Variants in SGIP1 observed in about 807,000 individuals in gnomAD.
The protein encoded by SGIP1 is SH3-containing GRB2-like protein 3-interacting protein 1.
Under a neutral mutation model 107.5 loss-of-function variants are expected in SGIP1, and 38 were observed. That is an observed-to-expected ratio of 0.35 (90% CI 0.27 to 0.46). SGIP1 has a LOEUF of 0.46. SGIP1 is among the 20% of genes least tolerant of loss of function. SGIP1 has a pLI of 1.00. For synonymous variants in SGIP1, 365 were observed against 366.1 expected (o/e 1.00, Z 0.03); for missense variants, 929 against 1,019.5 (o/e 0.91, Z 1.21).
intron 1 of SGIP1, among the ~76,000 whole-genome samples, chr1:66,553,763 T>C (rs2057778007): frequency 6.6e-6 from 1 of 152,076 alleles, no homozygotes; most frequent in Non-Finnish European, 1.5e-5. Flanking sequence ...CATCACCTCC[T>C]AGTGCTGCTC....
rs948109225 is a variant in SGIP1, at chr1:66,745,719, C to T, written c.*2624C>T. 5.3e-5 allele frequency: 8 copies of T among 152,098 alleles called. No homozygotes were observed. The highest frequency in any genetic ancestry group is 9.6e-5 in the African/African-American group (4 of 41,524). 9.4% of individuals were successfully genotyped at this position (152,098 alleles called of 1,614,324 possible). On this transcript the variant is annotated 3_prime_UTR_variant, in exon 25 of 25. Coordinates refer to ENST00000371037, the MANE Select transcript of SGIP1 (RefSeq NM_032291.4). The stretch of plus-strand genomic sequence containing the variant: ...GTTAACCAGAACACCATTTCCTGAA[C>T]GTTATGATCTTTAAAAGGTTCTGCT...
chr1:66,577,575 A>G (rs531105753), intron 1 of SGIP1, among the ~76,000 whole-genome samples: 1 of 152,232 alleles, frequency 6.6e-6, no homozygotes, highest in African/African-American at 2.4e-5. Context: ...GATGGGTGTT[A>G]CCTTCATTTA....
chr1:66,677,810 A>G (rs2085734456), intron 13 of SGIP1, among the ~76,000 whole-genome samples: 2 of 152,110 alleles, frequency 1.3e-5, no homozygotes, highest in Non-Finnish European at 2.9e-5. Flanking sequence ...TGTGGAAAGC[A>G]CTCTTTTCAA....
intron 20 of SGIP1, among the ~76,000 whole-genome samples, chr1:66,730,295 C>G (rs530713381): frequency 2.0e-5 from 3 of 152,018 alleles, no homozygotes; most frequent in African/African-American, 7.2e-5. Context: ...CATTTTCTAA[C>G]TATTAAACCT....
At chr1:66,726,942 G>C (rs577744289) in intron 19 of SGIP1, among the ~76,000 whole-genome samples, 1 of 152,204 alleles carries the variant, frequency 6.6e-6, no homozygotes, top group Non-Finnish European at 1.5e-5. Context: ...CTGCACTCCA[G>C]TCTGGGTGAC....
rs1008427965 is a variant in SGIP1 at position 66,748,715 on chromosome 1, G to T, written c.*5620G>T. Among the ~76,000 whole-genome samples, 2 of 151,870 alleles carry T rather than the reference G, an allele frequency of 1.3e-5. No individual in the cohort carries two copies. The highest frequency in any genetic ancestry group is 4.8e-5 in the African/African-American group (2 of 41,400). On this transcript the variant is annotated 3_prime_UTR_variant, in exon 25 of 25. Coordinates refer to ENST00000371037, the MANE Select transcript of SGIP1 (RefSeq NM_032291.4). ...ATGTCCCGTAATGTTTTAAAGAAAA[G>T]AAGTAAAGTGTATTTGGGCTATGCT...
intron 21 of SGIP1, among the ~76,000 whole-genome samples, chr1:66,736,870 A>G (rs141173822): frequency 0.015 from 2,256 of 152,194 alleles, 60 homozygotes; most frequent in African/African-American, 0.051. Flanking sequence ...AACCATTTAA[A>G]GTGAAATATC....
rs551051625 is a variant in SGIP1 at position 66,743,005 on chromosome 1, G to C, written c.2465-68G>C. 4.7e-5 allele frequency: 74 copies of C among 1,563,676 alleles called. No individual in the cohort carries two copies. In the African/African-American group the frequency reaches 8.9e-4, roughly 19 times the overall value. ...GGGGTAGGGAAGGAGGAATAGAAAA[G>C]TTACCCATATAATAATTACATTATT... On this transcript the variant is annotated intron_variant, in intron 24 of 24. Transcript: ENST00000371037.
Position 66,689,619 on chromosome 1 carries a change from A to G in SGIP1, c.1443+344A>G, listed in dbSNP as rs148133007. Among the ~76,000 whole-genome samples the G allele has an allele frequency of 3.2e-3, 488 of 152,300 alleles. 1 individual carries two copies. Among genetic ancestry groups the G allele is most frequent in the African/African-American group, 0.011 (477 of 41,560 alleles). On this transcript the variant is annotated intron_variant, in intron 16 of 24. Coordinates refer to ENST00000371037, the MANE Select transcript of SGIP1 (RefSeq NM_032291.4). ...AAGAGAGGGCAAATCCTGGTTTCTG[A>G]TCCCAGAATACAGATGACATATTGA... is the stretch of plus-strand genomic sequence containing the variant.
At position 66,644,842 on chromosome 1, in the gene SGIP1, T is replaced by C. The variant is rs575924182; in HGVS notation, c.459+1123T>C. Among the ~76,000 whole-genome samples, 5 of 152,314 alleles carry C rather than the reference T, an allele frequency of 3.3e-5. No homozygotes were observed. The South Asian group carries it at 1.0e-3, about 32-fold the overall frequency. ...AAATAATATTTAAGGTGATTTTTAA[T>C]CATATACTCCCCTGCTACTTTAAGA... On this transcript the variant is annotated intron_variant, in intron 7 of 24. Transcript: ENST00000371037.
chr1:66,562,074 G>A (rs1487960445), intron 1 of SGIP1, among the ~76,000 whole-genome samples: 1 of 151,788 alleles, frequency 6.6e-6, no homozygotes, highest in African/African-American at 2.4e-5. Context: ...AGTTTAAATA[G>A]GTGTGGGAGT....
rs1388651753 is a variant in SGIP1, at chr1:66,743,336, A to G, written c.*241A>G. ...TAAAATGTAATTATTGTATTTGTAA[A>G]TTGTACTCTCATTCCAGTAAGGCAG... is the stretch of plus-strand genomic sequence containing the variant. On this transcript the variant is annotated 3_prime_UTR_variant, in exon 25 of 25. Coordinates refer to ENST00000371037, the MANE Select transcript of SGIP1 (RefSeq NM_032291.4). 7.9e-6 allele frequency: 3 copies of G among 377,796 alleles called. No individual in the cohort carries two copies. Among genetic ancestry groups the G allele is most frequent in the African/African-American group, 6.2e-5 (3 of 48,402 alleles). The allele number at this position is 377,796 out of a possible 1,614,324, so 23.4% of individuals were successfully genotyped here.
chr1:66,579,795 T>A (rs1392264993), intron 1 of SGIP1, among the ~76,000 whole-genome samples: 1 of 152,150 alleles, frequency 6.6e-6, no homozygotes, highest in Non-Finnish European at 1.5e-5. Flanking sequence ...CTGAGCAACA[T>A]CCCACCCAAA....
At chr1:66,577,957 G>T (rs988675444) in intron 1 of SGIP1, among the ~76,000 whole-genome samples, 4 of 152,032 alleles carry the variant, frequency 2.6e-5, no homozygotes, top group Admixed American at 6.6e-5. Context: ...TAGCACCAAG[G>T]TTGGTTTCTA....
At chr1:66,621,711 G>A (rs1057366944) in intron 1 of SGIP1, among the ~76,000 whole-genome samples, 1 of 152,150 alleles carries the variant, frequency 6.6e-6, no homozygotes, top group Non-Finnish European at 1.5e-5. Flanking sequence ...GTGGCTCTTT[G>A]CGTTTGGCTC....
chr1:66,645,805 C>T (rs2077548926), intron 7 of SGIP1, among the ~76,000 whole-genome samples: 1 of 152,140 alleles, frequency 6.6e-6, no homozygotes, highest in South Asian at 2.1e-4. Context: ...CTTGATAACC[C>T]GTGTGTAAAT....
chr1:66,657,579 CAGAGAGAGACAG>C lies in SGIP1; in HGVS notation c.460-2923_460-2912del, dbSNP rs578167768. On this transcript the variant is annotated intron_variant, in intron 7 of 24. Coordinates refer to ENST00000371037, the MANE Select transcript of SGIP1 (RefSeq NM_032291.4). ...CCATGTTATTTGGAGTAATAACAGC[CAGAGAGAGACAG>C]AGAGAGAGACTCTCCAGCTGCAGAG... Among the ~76,000 whole-genome samples the C allele has an allele frequency of 6.0e-3, 920 of 152,204 alleles. 10 individuals carry two copies. The highest frequency in any genetic ancestry group is 0.021 in the African/African-American group (862 of 41,506).
intron 1 of SGIP1, among the ~76,000 whole-genome samples, chr1:66,561,582 A>G (rs1046330083): frequency 6.6e-6 from 1 of 152,096 alleles, no homozygotes; most frequent in African/African-American, 2.4e-5. Flanking sequence ...TGAACTGAAC[A>G]GAATTAAGGC....
chr1:66,658,375 A>G (rs2080211046), intron 7 of SGIP1, among the ~76,000 whole-genome samples: 1 of 152,214 alleles, frequency 6.6e-6, no homozygotes, highest in Non-Finnish European at 1.5e-5. Context: ...CAACATGTGT[A>G]AGCACCTGAG....
Sources: gnomAD v4.1 joint callset for allele counts (sites outside exome capture counted in the v4.1 genomes callset) on GRCh38, gnomAD v4.1.1 for gene constraint, MANE v1.5 for transcripts, NCBI Gene and HGNC (gene_info 2026-07-23, HGNC 2026-07-21) for gene names.